The following KCNQ5 variants were observed in gnomAD, a reference collection of about 807,000 sequenced individuals.
KCNQ5 encodes potassium voltage-gated channel subfamily Q member 5, also known as potassium voltage-gated channel subfamily KQT member 5.
KCNQ5 carries 30 observed loss-of-function variants against 98.2 expected under a neutral mutation model. The observed-to-expected ratio is 0.31, with a 90% CI of 0.23 to 0.41. The LOEUF (loss-of-function observed/expected upper bound fraction) is 0.41, where lower values mean the gene tolerates loss of function less well. Ranked by LOEUF, KCNQ5 falls within the 10% of genes least tolerant of loss-of-function variation. The pLI, the probability that KCNQ5 is intolerant of heterozygous loss-of-function variation, is 1.00. For synonymous variants in KCNQ5, 458 were observed against 449.4 expected (o/e 1.02, Z -0.24); for missense variants, 835 against 1,182.5 (o/e 0.71, Z 4.31).
At chr6:72,978,178 A>G (rs962081197) in intron 1 of KCNQ5, among the ~76,000 whole-genome samples, 3 of 152,224 alleles carry the variant, frequency 2.0e-5, no homozygotes, top group African/African-American at 7.2e-5. Flanking sequence ...CATTGAATAT[A>G]TAACAGTCGA....
rs551016571 is a variant in KCNQ5, at chr6:72,846,462, T to A, written c.399-157446T>A. Among the ~76,000 whole-genome samples the A allele has an allele frequency of 2.6e-5, 4 of 151,592 alleles. No individual in the cohort carries two copies. The South Asian group carries it at 8.3e-4, about 32-fold the overall frequency. ...ATTGAGGTGGGAGGATTGCTTGACC[T>A]CAGGAGTTTGAGACCAGCCTAGGAA... On this transcript the variant is annotated intron_variant, in intron 1 of 13. Coordinates refer to ENST00000370398, the MANE Select transcript of KCNQ5 (RefSeq NM_019842.4).
intron 1 of KCNQ5, among the ~76,000 whole-genome samples, chr6:72,723,490 A>C (rs1770084748): frequency 6.6e-6 from 1 of 152,188 alleles, no homozygotes; most frequent in Non-Finnish European, 1.5e-5. Flanking sequence ...CTAATATTTA[A>C]TGTTATGCTT....
chr6:72,715,150 T>C (rs565398525), intron 1 of KCNQ5, among the ~76,000 whole-genome samples: 1 of 152,324 alleles, frequency 6.6e-6, no homozygotes, highest in South Asian at 2.1e-4. Flanking sequence ...TTAGTGAATA[T>C]TTATTTAATT....
chr6:72,698,279 C>T (rs1352500014), intron 1 of KCNQ5, among the ~76,000 whole-genome samples: 3 of 152,004 alleles, frequency 2.0e-5, no homozygotes, highest in Admixed American at 6.5e-5. Context: ...CTTGGCTCAC[C>T]GGTAACCTCC....
intron 11 of KCNQ5, among the ~76,000 whole-genome samples, chr6:73,189,587 T>A (rs1174791925): frequency 6.6e-6 from 1 of 152,128 alleles, no homozygotes; most frequent in Admixed American, 6.5e-5. Context: ...TCTACAAGTG[T>A]GATAATGGAA....
intron 1 of KCNQ5, among the ~76,000 whole-genome samples, chr6:72,971,894 G>A (rs1459914011): frequency 2.0e-5 from 3 of 152,102 alleles, no homozygotes; most frequent in Admixed American, 6.5e-5. Context: ...TGTAAATGAC[G>A]AGTTAATGAG....
At chr6:73,138,089 G>A (rs1038090922) in intron 10 of KCNQ5, among the ~76,000 whole-genome samples, 14 of 152,132 alleles carry the variant, frequency 9.2e-5, no homozygotes, top group African/African-American at 2.4e-4. Flanking sequence ...TTCAATGACC[G>A]TTCTCTGTTT....
intron 1 of KCNQ5, among the ~76,000 whole-genome samples, chr6:72,730,851 G>T (rs78194884): frequency 6.7e-6 from 1 of 150,362 alleles, no homozygotes; most frequent in African/African-American, 2.5e-5. Flanking sequence ...AAAAAAAAAA[G>T]TATTGACATT....
At chr6:73,053,950 G>C (rs1325783681) in intron 3 of KCNQ5, among the ~76,000 whole-genome samples, 2 of 151,990 alleles carry the variant, frequency 1.3e-5, no homozygotes, top group African/African-American at 2.4e-5. Flanking sequence ...TAAAATGCTA[G>C]CTAGACTAAT....
intron 1 of KCNQ5, among the ~76,000 whole-genome samples, chr6:72,899,519 A>G (rs1442167685): frequency 2.6e-5 from 4 of 152,212 alleles, no homozygotes; most frequent in Admixed American, 6.5e-5. Flanking sequence ...CACATTCTGC[A>G]CTGTGTAAAA....
At chr6:72,913,908 A>G (rs1044776714) in intron 1 of KCNQ5, among the ~76,000 whole-genome samples, 8 of 152,180 alleles carry the variant, frequency 5.3e-5, no homozygotes, top group African/African-American at 1.9e-4. Context: ...AAAGGGAATG[A>G]CCTAATGGTA....
At chr6:73,077,627 G>A in intron 4 of KCNQ5, 130 bp downstream of exon 4, 2 of 1,257,022 alleles carry the variant, frequency 1.6e-6, no homozygotes, top group East Asian at 2.5e-5. Context: ...TTTGGGACAT[G>A]ATGTACAATG....
intron 2 of KCNQ5, among the ~76,000 whole-genome samples, chr6:73,021,124 T>C (rs1402869453): frequency 2.0e-5 from 3 of 152,174 alleles, no homozygotes; most frequent in Non-Finnish European, 4.4e-5. Flanking sequence ...ACCCTGACTC[T>C]CCAGGAGTTG....
At chr6:72,864,701 T>C (rs1777908689) in intron 1 of KCNQ5, among the ~76,000 whole-genome samples, 1 of 152,118 alleles carries the variant, frequency 6.6e-6, no homozygotes, top group African/African-American at 2.4e-5. Context: ...GTCCTAAAAG[T>C]CTTAGCACAA....
intron 1 of KCNQ5, among the ~76,000 whole-genome samples, chr6:72,878,796 G>A (rs9350473): frequency 0.27 from 40,673 of 151,940 alleles, 5,630 homozygotes; most frequent in Non-Finnish European, 0.29. Context: ...TTTCTCATTT[G>A]TTTCCCTTTC....
chr6:72,766,814 C>G (rs1322007642), intron 1 of KCNQ5, among the ~76,000 whole-genome samples: 1 of 151,672 alleles, frequency 6.6e-6, no homozygotes, highest in Admixed American at 6.6e-5. Context: ...TTAGAGATGC[C>G]TATTGTGGAG....
intron 11 of KCNQ5, among the ~76,000 whole-genome samples, chr6:73,188,329 C>A (rs552660495): frequency 7.9e-5 from 12 of 152,276 alleles, no homozygotes; most frequent in African/African-American, 2.6e-4. Flanking sequence ...TGAAGACATA[C>A]AAAGTACTTC....
chr6:73,010,372 A>T lies in KCNQ5; in HGVS notation c.489+6374A>T, dbSNP rs78803135. On this transcript the variant is annotated intron_variant, in intron 2 of 13. Transcript: ENST00000370398. Reference sequence around the variant, plus strand: ...AATGGAAGAAAACTACCTCAACATGATAAAAGCCACATATGAAAAACCTAC... The same window carrying T: ...AATGGAAGAAAACTACCTCAACATGTTAAAAGCCACATATGAAAAACCTAC... Among the ~76,000 whole-genome samples, 29 of 152,208 alleles carry T rather than the reference A, an allele frequency of 1.9e-4. No individual in the cohort carries two copies. In the East Asian group the frequency reaches 5.2e-3, roughly 27 times the overall value.
At position 72,980,535 on chromosome 6, in the gene KCNQ5, C is replaced by G. The variant is rs116023863; in HGVS notation, c.399-23373C>G. Among the ~76,000 whole-genome samples the G allele has an allele frequency of 2.6e-5, 4 of 152,174 alleles. No homozygotes were observed. In the South Asian group the frequency reaches 8.3e-4, roughly 32 times the overall value. On this transcript the variant is annotated intron_variant, in intron 1 of 13. Coordinates refer to ENST00000370398, the MANE Select transcript of KCNQ5 (RefSeq NM_019842.4). ...TTGCACATGGATTTGTATCCTGAGA[C>G]TTTGCTGAACTTGCTTATTAGCTTA...
Sources: allele counts gnomAD v4.1 joint callset (sites outside exome capture counted in the v4.1 genomes callset), GRCh38; gene constraint gnomAD v4.1.1; transcripts MANE v1.5; gene names NCBI Gene and HGNC (gene_info 2026-07-23, HGNC 2026-07-21).